The following ASXL3 variants were observed in gnomAD, a reference collection of about 807,000 sequenced individuals.
ASXL3 encodes putative Polycomb group protein ASXL3.
In ASXL3, 34 loss-of-function variants were observed where a neutral mutation model predicts 170.6. The ratio of observed to expected loss-of-function variants is 0.20; its 90% CI spans 0.15 to 0.27. The LOEUF is 0.27. Among genes scored for constraint, ASXL3 ranks in the 10% least tolerant of loss-of-function variants. ASXL3 has a pLI of 1.00. For missense variants in ASXL3, 2,592 were observed against 2,695.3 expected (o/e 0.96, Z 0.85); for synonymous variants, 1,002 against 989.1 (o/e 1.01, Z -0.24).
chr18:33,639,719 C>T (rs1021436815), intron 2 of ASXL3, among the ~76,000 whole-genome samples: 27 of 152,026 alleles, frequency 1.8e-4, no homozygotes, highest in Admixed American at 9.8e-4. Context: ...CTGTACGAAT[C>T]GCTATAGTCT....
At chr18:33,740,897 A>G (rs917207941) in intron 11 of ASXL3, among the ~76,000 whole-genome samples, 7 of 152,222 alleles carry the variant, frequency 4.6e-5, no homozygotes, top group Non-Finnish European at 1.0e-4. Context: ...AAGTGCATTT[A>G]TACTGTTGTA....
At chr18:33,658,143 C>A (rs2066112424) in intron 4 of ASXL3, among the ~76,000 whole-genome samples, 1 of 152,116 alleles carries the variant, frequency 6.6e-6, no homozygotes, top group Non-Finnish European at 1.5e-5. Context: ...TTCCTGGCTC[C>A]TGTTGTAATT....
rs143988803 is a variant in ASXL3, at chr18:33,622,229, G to A, written c.137+14553G>A. ...CCAATATAATTCAGAGCTATCAAAT[G>A]CTTTGTGTAATTAATTCATTATGTG... On this transcript the variant is annotated intron_variant, in intron 2 of 11. Coordinates refer to ENST00000269197, the MANE Select transcript of ASXL3 (RefSeq NM_030632.3). Among the ~76,000 whole-genome samples the A allele has an allele frequency of 8.5e-3, 1,286 of 152,184 alleles. 22 individuals carry two copies. The highest frequency in any genetic ancestry group is 0.029 in the African/African-American group (1,217 of 41,540).
intron 8 of ASXL3, among the ~76,000 whole-genome samples, chr18:33,729,349 C>T (rs983419770): frequency 6.6e-6 from 1 of 152,148 alleles, no homozygotes; most frequent in Non-Finnish European, 1.5e-5. Context: ...GAGACAAACT[C>T]TGCATCTCCA....
chr18:33,718,036 C>G (rs988258746), intron 8 of ASXL3, among the ~76,000 whole-genome samples: 1 of 152,028 alleles, frequency 6.6e-6, no homozygotes, highest in Non-Finnish European at 1.5e-5. Flanking sequence ...CTATATGTTC[C>G]TTATAAAATC....
chr18:33,696,770 T>G (rs578141389), intron 8 of ASXL3, among the ~76,000 whole-genome samples: 1 of 152,238 alleles, frequency 6.6e-6, no homozygotes, highest in South Asian at 2.1e-4. Flanking sequence ...CAGGCTGTGC[T>G]TGCTATGGAG....
At chr18:33,669,253 T>C (rs2066304855) in intron 5 of ASXL3, among the ~76,000 whole-genome samples, 2 of 152,204 alleles carry the variant, frequency 1.3e-5, no homozygotes, top group Admixed American at 6.5e-5. Context: ...ATAACACATA[T>C]GTCCTCATTA....
Position 33,707,620 on chromosome 18 carries a change from T to A in ASXL3, c.879+24052T>A, listed in dbSNP as rs568750094. Among the ~76,000 whole-genome samples the A allele has an allele frequency of 2.4e-4, 37 of 152,162 alleles. No individual in the cohort carries two copies. The South Asian group carries it at 7.5e-3, about 31-fold the overall frequency. On this transcript the variant is annotated intron_variant, in intron 8 of 11. Transcript: ENST00000269197. ...TCAATACACAGAGTTATATTGTTTA[T>A]AATAATTACAGTTTTATGTATTATT...
At chr18:33,674,792 G>A (rs1172673578) in intron 7 of ASXL3, among the ~76,000 whole-genome samples, 2 of 151,714 alleles carry the variant, frequency 1.3e-5, no homozygotes, top group Admixed American at 6.6e-5. Flanking sequence ...CTAATTTTTT[G>A]TATTTTTAGT....
chr18:33,743,456 C>G lies in ASXL3; in HGVS notation c.3608C>G (p.Ser1203Cys), dbSNP rs1261580258. The G allele has an allele frequency of 6.2e-7, 1 of 1,613,418 alleles. No homozygotes were observed. The highest frequency in any genetic ancestry group is 2.2e-5 in the East Asian group (1 of 44,882). The part of the protein sequence containing the change: ...ETATDLSVHS[S>C]DENIPVSHLS... The stretch of plus-strand genomic sequence containing the variant: ...GCCACTGACTTATCTGTGCATAGTT[C>G]TGATGAAAACATACCTGTGTCACAT... Residue 1203 changes from serine (S) to cysteine (C), a missense_variant, in exon 12 of 12, where the codon TCT (serine) becomes TGT (cysteine). Transcript: ENST00000269197.
At chr18:33,649,163 C>T (rs1300262871) in intron 4 of ASXL3, among the ~76,000 whole-genome samples, 3 of 152,020 alleles carry the variant, frequency 2.0e-5, no homozygotes, top group Admixed American at 6.6e-5. Context: ...CTAATGGGAA[C>T]ATTTCAGTTA....
chr18:33,600,979 A>G (rs576949285), intron 1 of ASXL3, among the ~76,000 whole-genome samples: 229 of 152,274 alleles, frequency 1.5e-3, no homozygotes, highest in South Asian at 2.7e-3. Context: ...AAACAAGATA[A>G]TTGGTCCTTT....
intron 2 of ASXL3, among the ~76,000 whole-genome samples, chr18:33,629,043 T>A (rs2065640448): frequency 6.6e-6 from 1 of 152,136 alleles, no homozygotes; most frequent in South Asian, 2.1e-4. Flanking sequence ...CTGTTACTGT[T>A]ATCCTAACGT....
At position 33,744,182 on chromosome 18, in the gene ASXL3, A is replaced by C. The variant is rs1726130383; in HGVS notation, c.4334A>C (p.Asn1445Thr). ...ESLDKNSGPR[N>T]RADNSGKPQQ... The stretch of plus-strand genomic sequence containing the variant: ...TTGGACAAAAATTCAGGGCCTCGAA[A>C]CAGGGCAGATAATTCTGGAAAACCT... The change falls in exon 12 of 12, where the codon AAC (asparagine) becomes ACC (threonine). Residue 1445 changes from asparagine to threonine, a missense_variant. Asn to Thr is a moderately conservative substitution (Grantham distance 65). Transcript: ENST00000269197. 2 of 1,613,860 alleles carry C rather than the reference A, an allele frequency of 1.2e-6. No individual in the cohort carries two copies. Among genetic ancestry groups the C allele is most frequent in the Non-Finnish European group, 1.7e-6 (2 of 1,179,900 alleles).
chr18:33,743,570 G>T lies in ASXL3; in HGVS notation c.3722G>T (p.Cys1241Phe). The T allele has an allele frequency of 3.7e-6, 6 of 1,613,168 alleles. No individual in the cohort carries two copies. The highest frequency in any genetic ancestry group is 5.1e-6 in the Non-Finnish European group (6 of 1,179,878). Residue 1241 changes from cysteine to phenylalanine, a missense_variant, in exon 12 of 12, where the codon TGC (cysteine) becomes TTC (phenylalanine). By Grantham distance (205) the Cys-to-Phe change is radical (BLOSUM62 -2). This residue lies in a region of ASXL3 where 2,246 missense variants were observed against 2,219.6 expected (regional missense o/e 1.01). Transcript: ENST00000269197. ...AAAAATTCTGTCCCTGTATCTGTTT[G>T]CAGCACTGCTATATCGGGAGCAATT... ...FNKNSVPVSV[C>F]STAISGAIKE...
At chr18:33,696,502 G>T (rs1211066183) in intron 8 of ASXL3, among the ~76,000 whole-genome samples, 1 of 152,128 alleles carries the variant, frequency 6.6e-6, no homozygotes, top group African/African-American at 2.4e-5. Flanking sequence ...AGGAGTTTCT[G>T]CAGGAGATAA....
At chr18:33,586,251 C>T (rs1292223358) in intron 1 of ASXL3, among the ~76,000 whole-genome samples, 2 of 152,030 alleles carry the variant, frequency 1.3e-5, no homozygotes, top group Admixed American at 6.6e-5. Context: ...GTAATCTTTA[C>T]ATACATCAAA....
intron 5 of ASXL3, 78 bp from the exon 6 acceptor site, chr18:33,670,595 A>T: frequency 9.1e-7 from 1 of 1,098,960 alleles, no homozygotes; most frequent in Non-Finnish European, 1.3e-6. Context: ...AATGATGGAC[A>T]AATGAGTCAC....
chr18:33,690,333 T>A (rs2066667876), intron 8 of ASXL3: 1 of 152,180 alleles, frequency 6.6e-6, no homozygotes, highest in East Asian at 1.9e-4. Context: ...TGCTCTTTTT[T>A]TCTTAGGATG....
Sources: allele counts gnomAD v4.1 joint callset (sites outside exome capture counted in the v4.1 genomes callset), GRCh38; gene constraint gnomAD v4.1.1; regional missense constraint gnomAD v4.1.1; transcripts MANE v1.5; gene names NCBI Gene and HGNC (gene_info 2026-07-23, HGNC 2026-07-21).